The following FNDC3B variants were observed in gnomAD, a reference collection of about 807,000 sequenced individuals.
FNDC3B encodes fibronectin type III domain-containing protein 3B.
Under a neutral mutation model 151.5 loss-of-function variants are expected in FNDC3B, and 12 were observed. That is an observed-to-expected ratio of 0.08 (90% CI 0.05 to 0.13). The LOEUF is 0.13. Ranked by LOEUF, FNDC3B falls within the 10% of genes least tolerant of loss-of-function variation. FNDC3B has a pLI of 1.00. For synonymous variants in FNDC3B, 528 were observed against 549.0 expected, an observed-to-expected ratio of 0.96 and a Z score of 0.54; for missense variants, 1,214 against 1,505.3, an observed-to-expected ratio of 0.81 and a Z score of 3.20.
At chr3:172,238,525 AC>A (rs879767543) in intron 4 of FNDC3B, among the ~76,000 whole-genome samples, 1 of 151,286 alleles carries the variant, frequency 6.6e-6, no homozygotes, top group Non-Finnish European at 1.5e-5. Context: ...GTACTATAAA[AC>A]TCTTTTGTTG....
intron 25 of FNDC3B, among the ~76,000 whole-genome samples, chr3:172,394,106 T>TTAAAAAAAAAAAAAAA (rs1736153949): frequency 6.0e-5 from 1 of 16,644 alleles, no homozygotes; most frequent in African/African-American, 2.2e-4. Flanking sequence ...AGACTCCTTC[T>TTAAAAAAAAAAAAAAA]AAAAAAAAAA....
chr3:172,153,616 A>T (rs1722340701), intron 3 of FNDC3B, among the ~76,000 whole-genome samples: 1 of 152,238 alleles, frequency 6.6e-6, no homozygotes, highest in African/African-American at 2.4e-5. Context: ...GTTTCCTGGT[A>T]GATATACTTA....
chr3:172,064,035 T>C, intron 1 of FNDC3B, among the ~76,000 whole-genome samples: 1 of 152,108 alleles, frequency 6.6e-6, no homozygotes, highest in African/African-American at 2.4e-5. Context: ...TCCAGCTATA[T>C]GGAAGGCTGT....
chr3:172,217,634 T>A (rs1726057098), intron 3 of FNDC3B, among the ~76,000 whole-genome samples: 1 of 136,418 alleles, frequency 7.3e-6, no homozygotes, highest in South Asian at 2.7e-4. Context: ...ATTTACACAA[T>A]AAGTGTATAG....
intron 1 of FNDC3B, among the ~76,000 whole-genome samples, chr3:172,082,814 A>G (rs1292760558): frequency 6.6e-6 from 1 of 152,244 alleles, no homozygotes; most frequent in East Asian, 1.9e-4. Context: ...GTGAAAGGGT[A>G]GAAGACTGGA....
chr3:172,339,770 G>A (rs929184105), intron 16 of FNDC3B, among the ~76,000 whole-genome samples: 47 of 152,132 alleles, frequency 3.1e-4, no homozygotes, highest in African/African-American at 1.1e-3. Flanking sequence ...ACAACTTTGT[G>A]ACTGCATGGC....
intron 3 of FNDC3B, among the ~76,000 whole-genome samples, chr3:172,175,620 C>G (rs941865849): frequency 2.0e-5 from 3 of 152,024 alleles, no homozygotes; most frequent in African/African-American, 7.3e-5. Flanking sequence ...CTTAGAGATA[C>G]GAAAATGAAT....
chr3:172,297,727 G>A (rs1333236715), intron 8 of FNDC3B, among the ~76,000 whole-genome samples: 1 of 151,942 alleles, frequency 6.6e-6, no homozygotes, highest in Non-Finnish European at 1.5e-5. Flanking sequence ...GCCCTCCTTG[G>A]CCTCCCAAAG....
At chr3:172,378,110 T>C (rs1040580870) in intron 23 of FNDC3B, among the ~76,000 whole-genome samples, 160 bp from the exon 24 acceptor site, 1 of 152,222 alleles carries the variant, frequency 6.6e-6, no homozygotes, top group African/African-American at 2.4e-5. Context: ...ATTTAGACAT[T>C]AAGCTTAACC....
chr3:172,252,120 A>G (rs1023209634), intron 6 of FNDC3B, among the ~76,000 whole-genome samples: 2 of 152,218 alleles, frequency 1.3e-5, no homozygotes, highest in Non-Finnish European at 1.5e-5. Flanking sequence ...TCAGAATGGC[A>G]TCTGTCTTTT....
chr3:172,213,224 G>GA (rs1239072490), intron 3 of FNDC3B, among the ~76,000 whole-genome samples: 2 of 152,182 alleles, frequency 1.3e-5, no homozygotes, highest in African/African-American at 4.8e-5. Flanking sequence ...TCTGTGGCCA[G>GA]AAAATTTTTA....
At chr3:172,283,272 C>G (rs748343354) in intron 6 of FNDC3B, among the ~76,000 whole-genome samples, 1 of 151,970 alleles carries the variant, frequency 6.6e-6, no homozygotes, top group South Asian at 2.1e-4. Context: ...TAGCCTCTTT[C>G]TCTATTTTTT....
intron 11 of FNDC3B, among the ~76,000 whole-genome samples, chr3:172,313,237 C>G (rs1233276207): frequency 6.6e-6 from 1 of 152,190 alleles, no homozygotes; most frequent in Non-Finnish European, 1.5e-5. Flanking sequence ...CTCCTGCCCC[C>G]TCAATTCTAA....
chr3:172,341,212 G>A lies in FNDC3B; in HGVS notation c.1952G>A (p.Ser651Asn). ...TLYKLRACCI[S>N]TGGHSQCSES... is the part of the protein sequence containing the mutation. ...TACAAACTCCGAGCATGCTGCATCA[G>A]TACCGGCGGACACAGCCAGGTTGGT... The change falls in exon 17 of 26, where the codon AGT becomes AAT. Residue 651 changes from serine (S) to asparagine (N), a missense_variant. Physicochemically the swap from Ser to Asn is conservative, Grantham distance 46. Around this residue, in one of 7 missense-constraint regions of FNDC3B, gnomAD observed 380 missense variants for 420.9 expected, o/e 0.90. Coordinates refer to ENST00000415807, the MANE Select transcript of FNDC3B (RefSeq NM_022763.4). 6.2e-7 allele frequency: 1 copy of A among 1,614,010 alleles called. No individual in the cohort carries two copies. The highest frequency in any genetic ancestry group is 8.5e-7 in the Non-Finnish European group (1 of 1,179,872).
chr3:172,108,846 T>C (rs1027141066), intron 1 of FNDC3B, among the ~76,000 whole-genome samples: 1 of 152,262 alleles, frequency 6.6e-6, no homozygotes, highest in Non-Finnish European at 1.5e-5. Flanking sequence ...GCCTTTTCTC[T>C]AGTCTGTTTT....
chr3:172,097,379 G>C (rs1234098177), intron 1 of FNDC3B, among the ~76,000 whole-genome samples: 2 of 152,206 alleles, frequency 1.3e-5, no homozygotes, highest in Non-Finnish European at 2.9e-5. Context: ...AGCCAGAGTA[G>C]AATGGTGACG....
intron 6 of FNDC3B, among the ~76,000 whole-genome samples, chr3:172,283,104 G>A (rs73031320): frequency 2.6e-5 from 4 of 152,046 alleles, no homozygotes; most frequent in African/African-American, 7.3e-5. Flanking sequence ...GTCAGTTTTC[G>A]TGATTGTAAT....
At chr3:172,104,053 CTG>C (rs1280025887) in intron 1 of FNDC3B, among the ~76,000 whole-genome samples, 1 of 152,202 alleles carries the variant, frequency 6.6e-6, no homozygotes, top group Non-Finnish European at 1.5e-5. Flanking sequence ...ATTATCAGCA[CTG>C]TGTGCTCAAT....
chr3:172,337,144 A>C (rs1733020793), intron 15 of FNDC3B, among the ~76,000 whole-genome samples, 186 bp from the exon 16 acceptor site: 1 of 151,738 alleles, frequency 6.6e-6, no homozygotes, highest in South Asian at 2.1e-4. Context: ...GATAGTATTC[A>C]GAGATTCCTG....
Sources: allele counts gnomAD v4.1 joint callset (sites outside exome capture counted in the v4.1 genomes callset), GRCh38; gene constraint gnomAD v4.1.1; regional missense constraint gnomAD v4.1.1; transcripts MANE v1.5; gene names NCBI Gene and HGNC (gene_info 2026-07-23, HGNC 2026-07-21).